TAF1: variants seen among roughly 807,000 people sequenced by gnomAD.
TAF1 encodes TATA-box binding protein associated factor 1, also known as transcription initiation factor TFIID subunit 1.
TAF1 carries 2 observed loss-of-function variants against 138.5 expected under a neutral mutation model. That is an observed-to-expected ratio of 0.01 (90% confidence interval 0.01 to 0.05). The LOEUF (loss-of-function observed/expected upper bound fraction) is 0.05, where lower values mean the gene tolerates loss of function less well. Ranked by LOEUF, TAF1 falls within the 10% of genes least tolerant of loss-of-function variation. The pLI, the probability that TAF1 is intolerant of heterozygous loss-of-function variation, is 1.00. For synonymous variants in TAF1, 437 were observed against 503.2 expected (o/e 0.87, Z 1.76); for missense variants, 709 against 1,478.0 (o/e 0.48, Z 8.53).
intron 28 of TAF1, among the ~76,000 whole-genome samples, chrX:71,411,026 G>A (rs1270808953): frequency 3.8e-5 from 4 of 104,728 alleles, no homozygotes; most frequent in African/African-American, 7.1e-5. Context: ...CAGGTGATCT[G>A]CCCTCCTCAG....
rs1211468958 is a variant in TAF1, at chrX:71,381,918, G to T, written c.1536G>T (p.Leu512Phe). The change falls in exon 9 of 38, where the codon TTG becomes TTT. Residue 512 changes from leucine to phenylalanine, a missense_variant and splice_region_variant. Leu to Phe is a conservative substitution (Grantham distance 22). This residue lies in a region of TAF1 where 201 missense variants were observed against 421.3 expected (regional missense o/e 0.48). Transcript: ENST00000423759. Reference sequence around the variant, plus strand: ...ATCCCAATGATGAGAACCTCATTTTGGGTATATTACTGGCAGAGGCCAGTG... The same window carrying T: ...ATCCCAATGATGAGAACCTCATTTTTGGTATATTACTGGCAGAGGCCAGTG... ...TLDPNDENLI[L>F]EIPDEKEEAT... The T allele has an allele frequency of 1.7e-6, 2 of 1,145,547 alleles. No individual in the cohort carries two copies. Among genetic ancestry groups the T allele is most frequent in the East Asian group, 6.3e-5 (2 of 31,831 alleles). The allele number at this position is 1,145,547 out of a possible 1,213,427, so 94.4% of individuals were successfully genotyped here. A position where few individuals can be genotyped will look rare whatever the true frequency, so the allele number is the denominator to read the frequency against.
chrX:71,378,014 G>A (rs879100828), intron 6 of TAF1, 193 bp downstream of exon 6: 2 of 643,881 alleles, frequency 3.1e-6, no homozygotes, highest in South Asian at 6.1e-5. Flanking sequence ...GTTTGGTGGG[G>A]TAGGCGGGGA....
At chrX:71,404,951 CTTTTTTT>C (rs1170234048) in intron 25 of TAF1, among the ~76,000 whole-genome samples, 12 of 74,876 alleles carry the variant, frequency 1.6e-4, no homozygotes, top group East Asian at 4.1e-4. Context: ...TTATTCCAAA[CTTTTTTT>C]TTTTTTTTTT....
chrX:71,428,696 G>A (rs930526470), intron 32 of TAF1, among the ~76,000 whole-genome samples: 11 of 111,990 alleles, frequency 9.8e-5, no homozygotes, highest in African/African-American at 3.6e-4. Flanking sequence ...AGGGGATGAT[G>A]TTATAGTGCC....
intron 28 of TAF1, among the ~76,000 whole-genome samples, chrX:71,410,603 G>T (rs180944656): frequency 9.2e-5 from 10 of 108,197 alleles, no homozygotes; most frequent in Non-Finnish European, 1.5e-4. Flanking sequence ...GACTACAGGC[G>T]CCAGCCACCA....
intron 28 of TAF1, among the ~76,000 whole-genome samples, chrX:71,410,704 G>A (rs765243187): frequency 6.3e-5 from 7 of 110,276 alleles, no homozygotes; most frequent in South Asian, 3.8e-4. Flanking sequence ...TGATCCACTC[G>A]CCTCGGCCTC....
intron 32 of TAF1, among the ~76,000 whole-genome samples, chrX:71,447,410 TAGC>T (rs977516864): frequency 7.2e-5 from 8 of 111,054 alleles, no homozygotes; most frequent in African/African-American, 2.6e-4. Flanking sequence ...TTCAGAAAGT[TAGC>T]AGCAATAGGT....
intron 28 of TAF1, chrX:71,420,306 A>G: frequency 8.8e-7 from 1 of 1,138,563 alleles, no homozygotes; most frequent in Non-Finnish European, 1.2e-6. Context: ...GGAGTCATCT[A>G]AGGCCAGGGA....
chrX:71,494,356 G>T (rs1321163550), intron 13 of TAF1, among the ~76,000 whole-genome samples: 1 of 111,042 alleles, frequency 9.0e-6, no homozygotes, highest in Non-Finnish European at 1.9e-5. Flanking sequence ...CTGGGAGGCA[G>T]AGGTTGCAGT....
chrX:71,459,050 G>GGGAT, intron 35 of TAF1: 1 of 533,285 alleles, frequency 1.9e-6, no homozygotes, highest in Non-Finnish European at 2.8e-6. Context: ...GGGATTGGCT[G>GGGAT]GGATATCAGG....
intron 13 of TAF1, among the ~76,000 whole-genome samples, chrX:71,484,513 A>G (rs2039137648): frequency 9.0e-6 from 1 of 110,551 alleles, no homozygotes; most frequent in African/African-American, 3.3e-5. Flanking sequence ...TTGTATTTTC[A>G]GTAGAGACAG....
rs1488435991 is a variant in TAF1, at chrX:71,381,640, C to T, written c.1361-103C>T. On this transcript the variant is annotated intron_variant, in intron 8 of 37. Transcript: ENST00000423759. ...GGACACATGAATAACTCCACTAACT[C>T]GCTCTACTAACATGAGTAACTCTTT... 9 of 897,087 alleles carry T rather than the reference C, an allele frequency of 1.0e-5. No individual in the cohort carries two copies. The African/African-American group carries it at 1.6e-4, about 16-fold the overall frequency. The allele number at this position is 897,087 out of a possible 1,213,427, so 73.9% of individuals were successfully genotyped here. A position where few individuals can be genotyped will look rare whatever the true frequency, so the allele number is the denominator to read the frequency against.
intron 28 of TAF1, among the ~76,000 whole-genome samples, chrX:71,418,404 A>G (rs764499607): frequency 1.5e-4 from 17 of 113,017 alleles, no homozygotes; most frequent in South Asian, 1.1e-3. Context: ...GCCTAAGCCA[A>G]TAAGTCTCAT....
intron 32 of TAF1, among the ~76,000 whole-genome samples, chrX:71,435,452 G>A (rs1020914266): frequency 8.9e-6 from 1 of 111,829 alleles, no homozygotes; most frequent in African/African-American, 3.3e-5. Flanking sequence ...GTTGTGCCTT[G>A]CAATTTCCAG....
rs1448809500 is a variant in TAF1 at position 71,387,506 on chromosome X, G to A, written c.2427+45G>A. ...GAGGGGATTGGGTTGTATACAGAAA[G>A]GGTATGTTGGGGCCGGGCATGGCGG... On this transcript the variant is annotated intron_variant, in intron 15 of 37. Coordinates refer to ENST00000423759, the MANE Select transcript of TAF1 (RefSeq NM_004606.5). 3.4e-6 allele frequency: 4 copies of A among 1,188,401 alleles called. No homozygotes were observed. The African/African-American group carries it at 5.3e-5, about 16-fold the overall frequency.
At chrX:71,450,216 T>C (rs1178399622) in intron 32 of TAF1, among the ~76,000 whole-genome samples, 3 of 110,551 alleles carry the variant, frequency 2.7e-5, no homozygotes, top group Non-Finnish European at 5.7e-5. Context: ...CTTTTTTTTT[T>C]TTTTGAGACA....
chrX:71,375,091 A>G, intron 3 of TAF1, 76 bp from the exon 4 acceptor site: 1 of 1,114,995 alleles, frequency 9.0e-7, no homozygotes, highest in Non-Finnish European at 1.2e-6. Flanking sequence ...AAAAAAAAAA[A>G]TTGAGTGGCA....
chrX:71,439,425 C>T (rs1177647218), intron 32 of TAF1, among the ~76,000 whole-genome samples: 1 of 111,673 alleles, frequency 9.0e-6, no homozygotes, highest in Non-Finnish European at 1.9e-5. Context: ...AACCTATCAT[C>T]TACATTTCTG....
chrX:71,372,953 G>A (rs974977946), intron 3 of TAF1, among the ~76,000 whole-genome samples: 18 of 110,280 alleles, frequency 1.6e-4, no homozygotes, highest in Non-Finnish European at 2.8e-4. Flanking sequence ...TGCAAGCTCC[G>A]CCTCCCAGGT....
Sources: allele counts gnomAD v4.1 joint callset (sites outside exome capture counted in the v4.1 genomes callset), GRCh38; gene constraint gnomAD v4.1.1; regional missense constraint gnomAD v4.1.1; transcripts MANE v1.5; gene names NCBI Gene and HGNC (gene_info 2026-07-23, HGNC 2026-07-21).